Variants in MYH9 observed in about 807,000 individuals in gnomAD.
MYH9 encodes myosin-9.
A neutral mutation model predicts 241.9 loss-of-function variants in MYH9; 29 were observed. The observed-to-expected ratio is 0.12, with a 90% confidence interval of 0.09 to 0.16. The LOEUF is 0.16. MYH9 is among the 10% of genes least tolerant of loss of function. MYH9 has a pLI of 1.00. For synonymous variants in MYH9, 1,047 were observed against 1,062.6 expected, an observed-to-expected ratio of 0.99 and a Z score of 0.29; for missense variants, 1,803 against 2,595.5, an observed-to-expected ratio of 0.69 and a Z score of 6.63.
chr22:36,354,956 A>AACACATACACACACACACACACAC (rs2017830662), intron 1 of MYH9, among the ~76,000 whole-genome samples: 1 of 123,638 alleles, frequency 8.1e-6, no homozygotes, highest in South Asian at 2.8e-4. Flanking sequence ...CAAAAAACAA[A>AACACATACACACACACACACACAC]ACACACACAC....
chr22:36,296,821 G>A (rs2146339710), intron 25 of MYH9, 22 bp downstream of exon 25: 1 of 1,592,628 alleles, frequency 6.3e-7, no homozygotes, highest in South Asian at 1.1e-5. Flanking sequence ...CCTGGCCTCA[G>A]GCGGGCAGGC....
chr22:36,348,616 T>C (rs1257961216), intron 2 of MYH9, among the ~76,000 whole-genome samples: 1 of 152,202 alleles, frequency 6.6e-6, no homozygotes, highest in Non-Finnish European at 1.5e-5. Context: ...CGAAGGCCAG[T>C]GGGTGGCCAT....
chr22:36,327,935 T>TGGGGAAGGA (rs2017362253), intron 3 of MYH9, among the ~76,000 whole-genome samples: 1 of 152,118 alleles, frequency 6.6e-6, no homozygotes, highest in Non-Finnish European at 1.5e-5. Context: ...TTTAAGAGGC[T>TGGGGAAGGA]GGGGAAGGAG....
At chr22:36,287,388 T>C (rs1047058061) in intron 34 of MYH9, among the ~76,000 whole-genome samples, 1 of 151,764 alleles carries the variant, frequency 6.6e-6, no homozygotes, top group African/African-American at 2.4e-5. Flanking sequence ...AGAGCATCTA[T>C]GCCCACAACC....
rs1187728341 is a variant in MYH9, at chr22:36,285,077, T to A, written c.5483+44A>T. On this transcript the variant is annotated intron_variant, in intron 38 of 40. Coordinates refer to ENST00000216181, the MANE Select transcript of MYH9 (RefSeq NM_002473.6). The surrounding 1 kb of genome is among the most constrained non-coding windows in gnomAD (Gnocchi z 7.0). ...GGCAGGACTGCAGGGGGGCCAGAGT[T>A]TTTTCCAGGACAGCTGGGGTTGGGC... is the stretch of plus-strand genomic sequence containing the variant. 5 of 1,596,610 alleles carry A rather than the reference T, an allele frequency of 3.1e-6. No homozygotes were observed. The highest frequency in any genetic ancestry group is 1.3e-5 in the African/African-American group (1 of 74,540).
At chr22:36,296,124 T>A (rs2016783678) in intron 25 of MYH9, among the ~76,000 whole-genome samples, 1 of 152,182 alleles carries the variant, frequency 6.6e-6, no homozygotes, top group Non-Finnish European at 1.5e-5. Context: ...GACACAGCAC[T>A]GTGGTAGGGG....
intron 35 of MYH9, 56 bp downstream of exon 35, chr22:36,286,662 C>T (rs2016587036): frequency 6.2e-7 from 1 of 1,605,230 alleles, no homozygotes; most frequent in Non-Finnish European, 8.5e-7. Context: ...AAGCCCCACG[C>T]TGCCACCTGC....
intron 1 of MYH9, among the ~76,000 whole-genome samples, chr22:36,357,111 C>G (rs1215659664): frequency 6.6e-6 from 1 of 152,160 alleles, no homozygotes; most frequent in Non-Finnish European, 1.5e-5. Flanking sequence ...AGAGGAAGAA[C>G]CACGTCAACA....
chr22:36,318,800 G>A (rs2017202283), intron 10 of MYH9, among the ~76,000 whole-genome samples: 1 of 151,194 alleles, frequency 6.6e-6, no homozygotes, highest in Non-Finnish European at 1.5e-5. Context: ...TCTTGCTCTT[G>A]TTGCCCAGGC....
In MYH9 at chr22:36,281,438, C is replaced by G. The variant is rs1370591972; in HGVS notation, c.*1230G>C. 3 of 228,724 alleles carry G rather than the reference C, an allele frequency of 1.3e-5. No homozygotes were observed. The highest frequency in any genetic ancestry group is 6.7e-5 in the African/African-American group (3 of 44,992). The allele number at this position is 228,724 out of a possible 1,614,324, so 14.2% of individuals were successfully genotyped here. ...CACTCCTTTGTGACAGCAACTGGGACCTGAATTCAGAGCTTTGTAGGCATA... is the reference window on the plus strand; with the variant it reads ...CACTCCTTTGTGACAGCAACTGGGAGCTGAATTCAGAGCTTTGTAGGCATA... On this transcript the variant is annotated 3_prime_UTR_variant, in exon 41 of 41. Coordinates refer to ENST00000216181, the MANE Select transcript of MYH9 (RefSeq NM_002473.6).
chr22:36,333,305 C>G (rs916584182), intron 3 of MYH9, among the ~76,000 whole-genome samples: 3 of 152,100 alleles, frequency 2.0e-5, no homozygotes, highest in East Asian at 3.9e-4. Flanking sequence ...GAGGAGCGGT[C>G]GGTAGAAGGA....
chr22:36,375,390 T>C (rs1161941273), intron 1 of MYH9, among the ~76,000 whole-genome samples: 1 of 152,214 alleles, frequency 6.6e-6, no homozygotes, highest in Non-Finnish European at 1.5e-5. Flanking sequence ...GTGAAGTCAG[T>C]AGCCAAGGCA....
chr22:36,298,617 T>A (rs2016824939), intron 24 of MYH9, among the ~76,000 whole-genome samples: 1 of 152,134 alleles, frequency 6.6e-6, no homozygotes, highest in African/African-American at 2.4e-5. Context: ...TCTCAGAAGC[T>A]TCCAAAACCC....
rs899612685 is a variant in MYH9, at chr22:36,315,323, G to A, written c.1381-1005C>T. Among the ~76,000 whole-genome samples the A allele has an allele frequency of 2.0e-4, 31 of 152,140 alleles. 1 individual carries two copies. Among genetic ancestry groups the A allele is most frequent in the Non-Finnish European group, 1.5e-5 (1 of 68,030 alleles). On this transcript the variant is annotated intron_variant, in intron 12 of 40. Transcript: ENST00000216181. ...CAATGAGAGGTTAGTAAAAAATAAA[G>A]ATGTAATTTTCTCATCCCAGCTCAT...
At chr22:36,347,962 G>A (rs2017703813) in intron 2 of MYH9, among the ~76,000 whole-genome samples, 1 of 150,902 alleles carries the variant, frequency 6.6e-6, no homozygotes. Context: ...CATTTTTAAA[G>A]TGCAAAAAGC....
At chr22:36,303,966 G>T (rs748854687) in intron 19 of MYH9, 29 bp downstream of exon 19, 47 of 1,611,846 alleles carry the variant, frequency 2.9e-5, no homozygotes, top group Non-Finnish European at 3.9e-5. Flanking sequence ...GGCCTGGCAT[G>T]CGGGGCAGGA....
intron 6 of MYH9, 72 bp downstream of exon 6, chr22:36,322,357 A>G: frequency 6.5e-7 from 1 of 1,528,054 alleles, no homozygotes; most frequent in Non-Finnish European, 9.1e-7. Flanking sequence ...GCACCCAGGA[A>G]AAGGCAGCAT....
intron 15 of MYH9, 146 bp downstream of exon 15, chr22:36,309,136 A>G (rs2017019436): frequency 1.3e-6 from 1 of 773,308 alleles, no homozygotes; most frequent in Non-Finnish European, 2.3e-6. Context: ...GCCCTCTCTC[A>G]TGGGAGCTAC....
intron 14 of MYH9, among the ~76,000 whole-genome samples, chr22:36,310,486 C>CAGGG (rs1307730855): frequency 7.9e-5 from 12 of 152,244 alleles, no homozygotes; most frequent in Non-Finnish European, 1.6e-4. Context: ...CAGAGAGCAT[C>CAGGG]AGGGACCTAG....
Sources: allele counts gnomAD v4.1 joint callset (sites outside exome capture counted in the v4.1 genomes callset), GRCh38; gene constraint gnomAD v4.1.1; non-coding constraint Gnocchi (gnomAD v3.1); transcripts MANE v1.5; gene names NCBI Gene and HGNC (gene_info 2026-07-23, HGNC 2026-07-21).